CLBA1: variants seen among roughly 807,000 people sequenced by gnomAD.
CLBA1 encodes the protein uncharacterized protein CLBA1.
A neutral mutation model predicts 28.8 loss-of-function variants in CLBA1; 30 were observed. The ratio of observed to expected loss-of-function variants is 1.04; its 90% CI spans 0.78 to 1.41. The LOEUF (loss-of-function observed/expected upper bound fraction) is 1.41, where lower values mean the gene tolerates loss of function less well. CLBA1 is among the 40% of genes most tolerant of loss of function. The probability of loss-of-function intolerance (pLI) is 0.00; values close to 1 mark genes in which losing one functional copy is unlikely to be tolerated. For synonymous variants in CLBA1, 160 were observed against 152.8 expected, an observed-to-expected ratio of 1.05 and a Z score of -0.35; for missense variants, 451 against 412.3, an observed-to-expected ratio of 1.09 and a Z score of -0.81.
intron 2 of CLBA1, 132 bp from the exon 3 acceptor site, chr14:104,991,359 C>T (rs905577687): frequency 5.3e-5 from 56 of 1,048,466 alleles, no homozygotes; most frequent in Middle Eastern, 2.9e-4. Flanking sequence ...AACAGCCATA[C>T]GCCTCTTGGC....
At position 104,986,634 on chromosome 14, in the gene CLBA1, G is replaced by A. The variant is rs371401575; in HGVS notation, c.203G>A (p.Cys68Tyr). 26 of 1,614,004 alleles carry A rather than the reference G, an allele frequency of 1.6e-5. No homozygotes were observed. Among genetic ancestry groups the A allele is most frequent in the Admixed American group, 3.3e-5 (2 of 60,008 alleles). Residue 68 changes from cysteine to tyrosine, a missense_variant, in exon 1 of 5, where the codon TGT becomes TAT. Coordinates refer to ENST00000547315, the MANE Select transcript of CLBA1 (RefSeq NM_174891.4). ...GGCGGTTCCACCTGCACTGCCCGAT[G>A]TCCTGACCCTGGGGAACACAGCAGC... is the stretch of plus-strand genomic sequence containing the variant. ...REGGSTCTARCPDPGEHSSTW... is the reference protein window; with the variant it reads ...REGGSTCTARYPDPGEHSSTW...
Position 104,994,688 on chromosome 14 carries a change from A to C in CLBA1, c.907A>C (p.Thr303Pro), listed in dbSNP as rs1900125280. The change falls in exon 5 of 5, where the codon ACT becomes CCT. Residue 303 changes from threonine (T) to proline (P), a missense_variant. By Grantham distance (38) the Thr-to-Pro change is conservative (BLOSUM62 -1). Coordinates refer to ENST00000547315, the MANE Select transcript of CLBA1 (RefSeq NM_174891.4). ...TPSCGGGQHI[T>P]IPRKRMFTPR... ...CTCATGCGGAGGTGGCCAGCACATCACTATTCCAAGGAAAAGGATGTTCAC... is the reference window on the plus strand; with the variant it reads ...CTCATGCGGAGGTGGCCAGCACATCCCTATTCCAAGGAAAAGGATGTTCAC... 3 of 1,614,084 alleles carry C rather than the reference A, an allele frequency of 1.9e-6. No homozygotes were observed. The highest frequency in any genetic ancestry group is 2.5e-6 in the Non-Finnish European group (3 of 1,179,968).
In CLBA1 at chr14:104,992,943, C is replaced by G. The variant is rs775918317; in HGVS notation, c.700-5C>G. The G allele has an allele frequency of 2.5e-6, 4 of 1,610,040 alleles. No individual in the cohort carries two copies. The African/African-American group carries it at 5.3e-5, about 21-fold the overall frequency. ...CCGGCTGTCTGATGGGGTCTGTCTCCTTAGAACCTTTCTGGAGGCCAGGGC... is the reference window on the plus strand; with the variant it reads ...CCGGCTGTCTGATGGGGTCTGTCTCGTTAGAACCTTTCTGGAGGCCAGGGC... On this transcript the variant is annotated splice_polypyrimidine_tract_variant and splice_region_variant and intron_variant, in intron 3 of 4. Coordinates refer to ENST00000547315, the MANE Select transcript of CLBA1 (RefSeq NM_174891.4).
chr14:104,994,393 C>G, intron 4 of CLBA1: 1 of 985,458 alleles, frequency 1.0e-6, no homozygotes, highest in Non-Finnish European at 1.2e-6. Context: ...AGGCCAGAGC[C>G]ACAGACTGCA....
rs746685935 is a variant in CLBA1 at position 104,986,436 on chromosome 14, A to C, written c.5A>C (p.Gln2Pro). Reference protein sequence around the residue: MQGRRELGGEPL... With the variant: MPGRRELGGEPL... ...TGCTGGCCTGGGGGCTCCAAGATGC[A>C]AGGCCGGCGGGAGCTGGGGGGAGAG... Residue 2 changes from glutamine (Q) to proline (P), a missense_variant, in exon 1 of 5, where the codon CAA becomes CCA. Gln to Pro is a moderately conservative substitution (Grantham distance 76, BLOSUM62 -1). Transcript: ENST00000547315. 3 of 1,612,060 alleles carry C rather than the reference A, an allele frequency of 1.9e-6. No homozygotes were observed. Among genetic ancestry groups the C allele is most frequent in the Non-Finnish European group, 2.5e-6 (3 of 1,179,798 alleles).
intron 1 of CLBA1, 90 bp downstream of exon 1, chr14:104,986,944 A>G: frequency 6.8e-7 from 1 of 1,462,406 alleles, no homozygotes; most frequent in Non-Finnish European, 9.3e-7. Context: ...CGTGCTGGCC[A>G]GGGAGGGGGC....
intron 2 of CLBA1, 180 bp from the exon 3 acceptor site, chr14:104,991,311 A>T (rs1408692308): frequency 1.7e-6 from 1 of 597,232 alleles, no homozygotes; most frequent in African/African-American, 1.9e-5. Context: ...GGCGTGAGCC[A>T]CTGTGCCCAG....
intron 3 of CLBA1, 36 bp downstream of exon 3, chr14:104,991,656 T>A (rs1221139937): frequency 1.3e-6 from 2 of 1,577,006 alleles, no homozygotes; most frequent in Non-Finnish European, 8.6e-7. Context: ...CTCCTGGGAG[T>A]GTGGTTGAAC....
In CLBA1 at chr14:104,992,950, C is replaced by T; in HGVS notation, c.702C>T (p.Asn234=). 6.2e-7 allele frequency: 1 copy of T among 1,612,910 alleles called. No homozygotes were observed. Among genetic ancestry groups the T allele is most frequent in the Non-Finnish European group, 8.5e-7 (1 of 1,178,898 alleles). The change falls in exon 4 of 5, where the codon AAC becomes AAT. Residue 234 remains asparagine (N), a splice_region_variant and synonymous_variant. Coordinates refer to ENST00000547315, the MANE Select transcript of CLBA1 (RefSeq NM_174891.4). ...LVLGIDAAQK[N]LSGGQGHIME... is the part of the protein sequence containing the mutation. ...TCTGATGGGGTCTGTCTCCTTAGAACCTTTCTGGAGGCCAGGGCCACATCA... is the reference window on the plus strand; with the variant it reads ...TCTGATGGGGTCTGTCTCCTTAGAATCTTTCTGGAGGCCAGGGCCACATCA...
At chr14:104,996,132 AC>A (rs1184913056), downstream of CLBA1, among the ~76,000 whole-genome samples, 2 of 152,158 alleles carry the variant, frequency 1.3e-5, no homozygotes, top group Non-Finnish European at 2.9e-5. Flanking sequence ...GATGTTGGTG[AC>A]CCACAGACCT....
chr14:104,987,835 C>A (rs561428211), intron 1 of CLBA1, among the ~76,000 whole-genome samples: 84 of 150,648 alleles, frequency 5.6e-4, no homozygotes, highest in African/African-American at 2.0e-3. Flanking sequence ...CTGGGTTTTA[C>A]CATGTTTGCC....
chr14:104,994,570 G>A (rs182010162), intron 4 of CLBA1, 28 bp from the exon 5 acceptor site: 40 of 1,583,804 alleles, frequency 2.5e-5, no homozygotes, highest in Middle Eastern at 2.2e-4. Flanking sequence ...CGGGGTGCGC[G>A]CGCCTGACTG....
intron 1 of CLBA1, 37 bp from the exon 2 acceptor site, chr14:104,988,906 T>C (rs746279723): frequency 1.3e-6 from 2 of 1,558,312 alleles, no homozygotes. Flanking sequence ...TATGTCTTTC[T>C]CCTAACTTTG....
At chr14:104,986,876 C>A in intron 1 of CLBA1, 22 bp downstream of exon 1, 1 of 1,609,056 alleles carries the variant, frequency 6.2e-7, no homozygotes, top group South Asian at 1.1e-5. Flanking sequence ...GTGCTGTGGT[C>A]ACCATGTTGA....
In CLBA1 at chr14:104,986,722, C is replaced by T. The variant is rs1160706921; in HGVS notation, c.291C>T (p.Ser97=). The T allele has an allele frequency of 6.2e-7, 1 of 1,614,052 alleles. No individual in the cohort carries two copies. Among genetic ancestry groups the T allele is most frequent in the Non-Finnish European group, 8.5e-7 (1 of 1,180,016 alleles). The change falls in exon 1 of 5, where the codon TCC becomes TCT. Residue 97 remains serine (S), a synonymous_variant. Coordinates refer to ENST00000547315, the MANE Select transcript of CLBA1 (RefSeq NM_174891.4). ...SSAKSGQFSQ[S]LELLEGPTEP... ...CCAAGTCTGGACAATTCTCACAGTC[C>T]CTTGAACTCCTCGAGGGACCCACAG...
chr14:104,994,556 T>C (rs1027758924), intron 4 of CLBA1, 42 bp from the exon 5 acceptor site: 3 of 1,566,584 alleles, frequency 1.9e-6, no homozygotes, highest in Non-Finnish European at 2.6e-6. Flanking sequence ...CGCTTCTCAT[T>C]GCCCGGGGTG....
In CLBA1 at chr14:104,986,417, C is replaced by T. The variant is rs974029075; in HGVS notation, c.-15C>T. ...CAGCTGCCCATCGGGCCTCTGCTGG[C>T]CTGGGGGCTCCAAGATGCAAGGCCG... On this transcript the variant is annotated 5_prime_UTR_variant, in exon 1 of 5. Transcript: ENST00000547315. 5.6e-6 allele frequency: 9 copies of T among 1,609,566 alleles called. No individual in the cohort carries two copies. The African/African-American group carries it at 8.0e-5, about 14-fold the overall frequency.
chr14:104,987,479 C>G (rs1340829818), intron 1 of CLBA1, among the ~76,000 whole-genome samples: 1 of 152,148 alleles, frequency 6.6e-6, no homozygotes, highest in African/African-American at 2.4e-5. Context: ...CATTGTTCCT[C>G]TTTCTCTGCC....
At position 104,995,499 on chromosome 14, in the gene CLBA1, A is replaced by G. The variant is rs1378891800; in HGVS notation, c.*740A>G. On this transcript the variant is annotated 3_prime_UTR_variant, in exon 5 of 5. Coordinates refer to ENST00000547315, the MANE Select transcript of CLBA1 (RefSeq NM_174891.4). The stretch of plus-strand genomic sequence containing the variant: ...CCTGACTTTTGTAAAATTTTACTAA[A>G]TAAAACCACCTGGATAAGCCTGTTG... 3 of 985,366 alleles carry G rather than the reference A, an allele frequency of 3.0e-6. No individual in the cohort carries two copies. In the South Asian group the frequency reaches 1.4e-4, roughly 46 times the overall value. The allele number at this position is 985,366 out of a possible 1,614,324, so 61.0% of individuals were successfully genotyped here.
Sources: gnomAD v4.1 joint callset for allele counts (sites outside exome capture counted in the v4.1 genomes callset) on GRCh38, gnomAD v4.1.1 for gene constraint, MANE v1.5 for transcripts, NCBI Gene and HGNC (gene_info 2026-07-23, HGNC 2026-07-21) for gene names.